Variants in STX11 observed in about 807,000 individuals in gnomAD.
The protein encoded by STX11 is syntaxin 11, also known as syntaxin-11.
Under a neutral mutation model 19.9 loss-of-function variants are expected in STX11, and 21 were observed. The ratio of observed to expected loss-of-function variants is 1.06; its 90% CI spans 0.75 to 1.52. The LOEUF (loss-of-function observed/expected upper bound fraction) is 1.52, where lower values mean the gene tolerates loss of function less well. STX11 is among the 40% of genes most tolerant of loss of function. STX11 has a pLI of 0.00. For missense variants in STX11, 438 were observed against 405.9 expected (o/e 1.08, Z -0.68); for synonymous variants, 193 against 174.4 (o/e 1.11, Z -0.84).
Position 144,186,810 on chromosome 6 carries a change from C to G in STX11, c.183C>G (p.Asp61Glu), listed in dbSNP as rs374922198. The G allele has an allele frequency of 1.9e-6, 3 of 1,613,724 alleles. No homozygotes were observed. Among genetic ancestry groups the G allele is most frequent in the Non-Finnish European group, 1.7e-6 (2 of 1,179,996 alleles). ...ATGAAAACCAGCTGCTGGTGGCCGA[C>G]GTGAAGCGGCTGGGAAAGCAGAACG... ...IQDENQLLVA[D>E]VKRLGKQNAR... is the part of the protein sequence containing the mutation. Residue 61 changes from aspartate (D) to glutamate (E), a missense_variant, in exon 2 of 2, where the codon GAC becomes GAG. Transcript: ENST00000367568.
At position 144,162,783 on chromosome 6, in the gene STX11, G is replaced by C. The variant is rs1280728237; in HGVS notation, c.-6+12080G>C. On this transcript the variant is annotated intron_variant, in intron 1 of 1. Transcript: ENST00000367568. This position sits in a 1 kb window ranked among gnomAD's most constrained non-coding sequence, Gnocchi z 4.6. Reference sequence around the variant, plus strand: ...GTTTGTGTAGGCCAAGACAGGCTAAGAGCAGTAAGTAAAAAATTACTCAAC... The same window carrying C: ...GTTTGTGTAGGCCAAGACAGGCTAACAGCAGTAAGTAAAAAATTACTCAAC... Among the ~76,000 whole-genome samples, 1 of 152,180 alleles carries C rather than the reference G, an allele frequency of 6.6e-6. No homozygotes were observed. Among genetic ancestry groups the C allele is most frequent in the Non-Finnish European group, 1.5e-5 (1 of 68,038 alleles).
upstream of STX11, among the ~76,000 whole-genome samples, chr6:144,146,022 T>A (rs79722343): frequency 5.3e-3 from 814 of 152,322 alleles, 7 homozygotes; most frequent in East Asian, 0.042. This position sits in a 1 kb window ranked among gnomAD's most constrained non-coding sequence, Gnocchi z 4.4. Context: ...CAAAGAGTTC[T>A]CGAACTAGCA....
Position 144,184,730 on chromosome 6 carries a change from G to A in STX11, c.-5-1893G>A, listed in dbSNP as rs1387083530. Among the ~76,000 whole-genome samples, 4 of 152,154 alleles carry A rather than the reference G, an allele frequency of 2.6e-5. No individual in the cohort carries two copies. Among genetic ancestry groups the A allele is most frequent in the Admixed American group, 6.5e-5 (1 of 15,278 alleles). On this transcript the variant is annotated intron_variant, in intron 1 of 1. Transcript: ENST00000367568. The surrounding 1 kb of genome is among the most constrained non-coding windows in gnomAD (Gnocchi z 6.5). ...ATAGAATCTGTATGAAGACTAAAGA[G>A]GGTATCACATGAAAGATGCCTAGAA... is the stretch of plus-strand genomic sequence containing the variant.
At chr6:144,140,219 T>C in the STX11 span, among the ~76,000 whole-genome samples, 1 of 29,240 alleles carries the variant, frequency 3.4e-5, no homozygotes, top group Admixed American at 3.0e-4. Context: ...CATATATATA[T>C]ATATATATAT....
chr6:144,150,276 G>C (rs975889478), upstream of STX11, among the ~76,000 whole-genome samples: 2 of 152,252 alleles, frequency 1.3e-5, no homozygotes, highest in African/African-American at 4.8e-5. Context: ...TGTCTTGGGC[G>C]GCAAACATCC....
chr6:144,166,670 C>T (rs372221632), intron 1 of STX11, among the ~76,000 whole-genome samples: 23 of 152,026 alleles, frequency 1.5e-4, no homozygotes, highest in African/African-American at 5.3e-4. Flanking sequence ...GGACTACAGG[C>T]ATGTGCCACC....
rs572666370 is a variant in STX11 at position 144,177,013 on chromosome 6, G to A, written c.-5-9610G>A. 6.6e-6 allele frequency among the ~76,000 whole-genome samples: 1 copy of A among 152,230 alleles called. No individual in the cohort carries two copies. The highest frequency in any genetic ancestry group is 6.5e-5 in the Admixed American group (1 of 15,286). ...TGGGAGAATTTAACAGGAGTAACCAGGCAATGAGACTAGAATAAGTGGCCC... is the reference window on the plus strand; with the variant it reads ...TGGGAGAATTTAACAGGAGTAACCAAGCAATGAGACTAGAATAAGTGGCCC... On this transcript the variant is annotated intron_variant, in intron 1 of 1. Coordinates refer to ENST00000367568, the MANE Select transcript of STX11 (RefSeq NM_003764.4). The surrounding 1 kb of genome is among the most constrained non-coding windows in gnomAD (Gnocchi z 4.4).
rs1413594682 is a variant in STX11, at chr6:144,165,551, C to T, written c.-6+14848C>T. Among the ~76,000 whole-genome samples the T allele has an allele frequency of 1.3e-5, 2 of 152,076 alleles. No homozygotes were observed. The highest frequency in any genetic ancestry group is 4.8e-5 in the African/African-American group (2 of 41,404). ...TATATAGTGAGTACAAAGCACCTAACTCTTGTCTTCCTGAAGTTTGAGCTG... is the reference window on the plus strand; with the variant it reads ...TATATAGTGAGTACAAAGCACCTAATTCTTGTCTTCCTGAAGTTTGAGCTG... On this transcript the variant is annotated intron_variant, in intron 1 of 1. Transcript: ENST00000367568. This position sits in a 1 kb window ranked among gnomAD's most constrained non-coding sequence, Gnocchi z 5.8.
At chr6:144,150,486 C>G, upstream of STX11, 1 of 985,206 alleles carries the variant, frequency 1.0e-6, no homozygotes, top group Non-Finnish European at 1.2e-6. Context: ...TGGTCGCTTC[C>G]TAAGCGGCGG....
rs369494826 is a variant in STX11, at chr6:144,159,154, G to T, written c.-6+8451G>T. Among the ~76,000 whole-genome samples, 15 of 152,260 alleles carry T rather than the reference G, an allele frequency of 9.9e-5. No homozygotes were observed. The East Asian group carries it at 2.5e-3, about 25-fold the overall frequency. ...AATGAGTGAAAAAAATAACGATTCT[G>T]GTGAGCGTATTTATTCAACAACTAT... On this transcript the variant is annotated intron_variant, in intron 1 of 1. Transcript: ENST00000367568. This position sits in a 1 kb window ranked among gnomAD's most constrained non-coding sequence, Gnocchi z 4.3.
the STX11 span, among the ~76,000 whole-genome samples, chr6:144,141,052 G>A: frequency 6.6e-6 from 1 of 152,208 alleles, no homozygotes; most frequent in Non-Finnish European, 1.5e-5. Flanking sequence ...CTGTTCTGCA[G>A]ACGAAGGCAA....
rs1224418348 is a variant in STX11, at chr6:144,153,629, TC to T, written c.-6+2927del. Among the ~76,000 whole-genome samples, 1 of 152,180 alleles carries T rather than the reference TC, an allele frequency of 6.6e-6. No individual in the cohort carries two copies. The highest frequency in any genetic ancestry group is 2.4e-5 in the African/African-American group (1 of 41,446). ...ATAACAAAACTTGGAATTTTAAAAA[TC>T]TTAGATTAGATGAGAGTGACATTGA... On this transcript the variant is annotated intron_variant, in intron 1 of 1. Transcript: ENST00000367568. The surrounding 1 kb of genome is among the most constrained non-coding windows in gnomAD (Gnocchi z 5.0).
At chr6:144,140,256 TTATTTA>T in the STX11 span, among the ~76,000 whole-genome samples, 38,581 of 75,126 alleles carry the variant, frequency 0.51, 8,061 homozygotes, top group African/African-American at 0.63. Context: ...ATATATATAT[TTATTTA>T]TTTATTTTTT....
chr6:144,156,583 C>T (rs1801174094), intron 1 of STX11, among the ~76,000 whole-genome samples: 2 of 152,136 alleles, frequency 1.3e-5, no homozygotes, highest in Non-Finnish European at 2.9e-5. Flanking sequence ...CCTATGGAAA[C>T]AGTAAGCAAG....
rs570675965 is a variant in STX11 at position 144,182,923 on chromosome 6, A to G, written c.-5-3700A>G. Among the ~76,000 whole-genome samples the G allele has an allele frequency of 3.3e-5, 5 of 152,362 alleles. No homozygotes were observed. The South Asian group carries it at 1.0e-3, about 32-fold the overall frequency. Reference sequence around the variant, plus strand: ...TGCATGGTAGACTATATTGGGTACTAACTTAAGCAGATGGGTACAGCTCAA... The same window carrying G: ...TGCATGGTAGACTATATTGGGTACTGACTTAAGCAGATGGGTACAGCTCAA... On this transcript the variant is annotated intron_variant, in intron 1 of 1. Transcript: ENST00000367568. The surrounding 1 kb of genome is among the most constrained non-coding windows in gnomAD (Gnocchi z 4.8).
Position 144,156,051 on chromosome 6 carries a change from C to T in STX11, c.-6+5348C>T, listed in dbSNP as rs533086232. On this transcript the variant is annotated intron_variant, in intron 1 of 1. Transcript: ENST00000367568. ...CCTTCCTTCCTTCCTTCCTTCCTTC[C>T]CCTCCCCTCCCCTCCCCTCCCCTCC... Among the ~76,000 whole-genome samples the T allele has an allele frequency of 6.9e-5, 4 of 57,676 alleles. No individual in the cohort carries two copies. The East Asian group carries it at 1.6e-3, about 24-fold the overall frequency. The allele number at this position is 57,676 out of a possible 152,430, so 37.8% of individuals were successfully genotyped here. A position where few individuals can be genotyped will look rare whatever the true frequency, so the allele number is the denominator to read the frequency against.
At position 144,188,535 on chromosome 6, in the gene STX11, T is replaced by C. The variant is rs1802127152; in HGVS notation, c.*1044T>C. 6.6e-6 allele frequency among the ~76,000 whole-genome samples: 1 copy of C among 152,156 alleles called. No individual in the cohort carries two copies. The highest frequency in any genetic ancestry group is 1.5e-5 in the Non-Finnish European group (1 of 68,034). ...TATACGGAGCTAGAGACAACTAACA[T>C]TCTTGGAAATACTGCTTTTGTTTTA... On this transcript the variant is annotated 3_prime_UTR_variant, in exon 2 of 2. Transcript: ENST00000367568.
rs986945171 is a variant in STX11, at chr6:144,151,370, C to T, written c.-6+667C>T. The T allele has an allele frequency of 3.0e-6, 3 of 985,286 alleles. No individual in the cohort carries two copies. In the East Asian group the frequency reaches 3.4e-4, roughly 112 times the overall value. 61.0% of individuals were successfully genotyped at this position (985,286 alleles called of 1,614,324 possible). On this transcript the variant is annotated intron_variant, in intron 1 of 1. Transcript: ENST00000367568. The surrounding 1 kb of genome is among the most constrained non-coding windows in gnomAD (Gnocchi z 4.6). ...TGTGGTTCTCACGCACTTGTTTCAG[C>T]CGTTTCTCAGCAGAGGGAGGAGCTG...
chr6:144,181,592 CAAAAA>C (rs145945304), intron 1 of STX11, among the ~76,000 whole-genome samples: 85 of 65,798 alleles, frequency 1.3e-3, no homozygotes, highest in East Asian at 3.7e-3. Context: ...AAGACCACCT[CAAAAA>C]AAAAAAAAAA....
Sources: gnomAD v4.1 joint callset for allele counts (sites outside exome capture counted in the v4.1 genomes callset) on GRCh38, gnomAD v4.1.1 for gene constraint, Gnocchi (gnomAD v3.1) non-coding constraint, MANE v1.5 for transcripts, NCBI Gene and HGNC (gene_info 2026-07-23, HGNC 2026-07-21) for gene names.